Variants in XRN2 observed in about 807,000 individuals in gnomAD.
XRN2 encodes the protein DHM1-like protein.
Under a neutral mutation model 138.5 loss-of-function variants are expected in XRN2, and 44 were observed. That is an observed-to-expected ratio of 0.32 (90% confidence interval 0.25 to 0.41). The LOEUF (loss-of-function observed/expected upper bound fraction) is 0.41, where lower values mean the gene tolerates loss of function less well. Among genes scored for constraint, XRN2 ranks in the 10% least tolerant of loss-of-function variants. The pLI, the probability that XRN2 is intolerant of heterozygous loss-of-function variation, is 1.00. For synonymous variants in XRN2, 354 were observed against 369.4 expected (o/e 0.96, Z 0.48); for missense variants, 937 against 1,169.3 (o/e 0.80, Z 2.90).
intron 24 of XRN2, among the ~76,000 whole-genome samples, chr20:21,362,002 A>G (rs1473556505): frequency 1.3e-5 from 2 of 152,210 alleles, no homozygotes; most frequent in Non-Finnish European, 1.5e-5. Flanking sequence ...TGGTATCATA[A>G]ATAGTGTCCT....
At chr20:21,332,918 C>T (rs982597602) in intron 9 of XRN2, among the ~76,000 whole-genome samples, 3 of 152,060 alleles carry the variant, frequency 2.0e-5, no homozygotes, top group Non-Finnish European at 4.4e-5. Context: ...TAAGTTACTC[C>T]CACTTTTTAT....
intron 14 of XRN2, among the ~76,000 whole-genome samples, chr20:21,339,407 C>T (rs1255942422): frequency 6.6e-6 from 1 of 152,100 alleles, no homozygotes; most frequent in Non-Finnish European, 1.5e-5. Flanking sequence ...AGTTACTGTA[C>T]TCTTATTTCT....
chr20:21,328,748 A>G, intron 4 of XRN2, 78 bp downstream of exon 4: 2 of 1,259,046 alleles, frequency 1.6e-6, no homozygotes, highest in Non-Finnish European at 2.3e-6. Flanking sequence ...ACTTTTTCTT[A>G]CAAAGAGGCA....
intron 1 of XRN2, among the ~76,000 whole-genome samples, chr20:21,319,450 C>T (rs992934619): frequency 6.6e-6 from 1 of 151,880 alleles, no homozygotes; most frequent in Non-Finnish European, 1.5e-5. Context: ...TTCTCTATTT[C>T]TCCTTTGTGC....
At chr20:21,303,653 C>G in intron 1 of XRN2, 180 bp downstream of exon 1, 1 of 1,339,236 alleles carries the variant, frequency 7.5e-7, no homozygotes. Flanking sequence ...GATTCAGCAC[C>G]CCGGGGGCGA....
In XRN2 at chr20:21,346,452, A is replaced by T; in HGVS notation, c.1567A>T (p.Asn523Tyr). ...TGGCTGGAAGCAGCGGTACTACAAG[A>T]ACAAATTTGATGTGGATGCAGCTGA... is the stretch of plus-strand genomic sequence containing the variant. ...EAGWKQRYYKNKFDVDAADEK... is the reference protein window; with the variant it reads ...EAGWKQRYYKYKFDVDAADEK... The change falls in exon 17 of 30, where the codon AAC becomes TAC. Residue 523 changes from asparagine (N) to tyrosine (Y), a missense_variant. By Grantham distance (143) the Asn-to-Tyr change is moderately radical (BLOSUM62 -2). This residue lies in a region of XRN2 where 471 missense variants were observed against 581.2 expected (regional missense o/e 0.81). Transcript: ENST00000377191. The T allele has an allele frequency of 6.2e-7, 1 of 1,614,126 alleles. No individual in the cohort carries two copies. Among genetic ancestry groups the T allele is most frequent in the Non-Finnish European group, 8.5e-7 (1 of 1,180,012 alleles).
Position 21,338,388 on chromosome 20 carries a change from C to T in XRN2, c.1234-656C>T, listed in dbSNP as rs912628868. Reference sequence around the variant, plus strand: ...GAAATGAGTAGGGGGAAAGAATCAACGTGGGCTGGACCCTCTCCTGTGAAT... The same window carrying T: ...GAAATGAGTAGGGGGAAAGAATCAATGTGGGCTGGACCCTCTCCTGTGAAT... On this transcript the variant is annotated intron_variant, in intron 13 of 29. Transcript: ENST00000377191. Among the ~76,000 whole-genome samples the T allele has an allele frequency of 5.3e-5, 8 of 152,150 alleles. No homozygotes were observed. The East Asian group carries it at 5.8e-4, about 11-fold the overall frequency.
At position 21,339,060 on chromosome 20, in the gene XRN2, G is replaced by A. The variant is rs1262828363; in HGVS notation, c.1250G>A (p.Arg417Gln). The change falls in exon 14 of 30, where the codon CGA (arginine) becomes CAA (glutamine). Residue 417 changes from arginine to glutamine, a missense_variant. By Grantham distance (43) the Arg-to-Gln change is conservative. Around this residue, in one of 6 missense-constraint regions of XRN2, gnomAD observed 471 missense variants for 581.2 expected, o/e 0.81. Coordinates refer to ENST00000377191, the MANE Select transcript of XRN2 (RefSeq NM_012255.5). Reference sequence around the variant, plus strand: ...TACTTTTAGGACAGTTTTAGAAGACGACAGAAAGAAAAAAGAAAGAGAATG... The same window carrying A: ...TACTTTTAGGACAGTTTTAGAAGACAACAGAAAGAAAAAAGAAAGAGAATG... Reference protein sequence around the residue: ...RKDDEDSFRRRQKEKRKRMKR... With the variant: ...RKDDEDSFRRQQKEKRKRMKR... The A allele has an allele frequency of 6.2e-7, 1 of 1,604,624 alleles. No individual in the cohort carries two copies. Among genetic ancestry groups the A allele is most frequent in the South Asian group, 1.1e-5 (1 of 89,502 alleles).
At chr20:21,385,046 T>G (rs2038923749) in intron 28 of XRN2, among the ~76,000 whole-genome samples, 1 of 152,220 alleles carries the variant, frequency 6.6e-6, no homozygotes, top group Non-Finnish European at 1.5e-5. Context: ...AAAATTATAT[T>G]TGTCAAAAAC....
At chr20:21,358,605 T>G (rs577927546) in intron 24 of XRN2, among the ~76,000 whole-genome samples, 2 of 152,336 alleles carry the variant, frequency 1.3e-5, no homozygotes, top group African/African-American at 4.8e-5. Context: ...TAGATTTTTT[T>G]TTAGATTTCC....
rs370812146 is a variant in XRN2 at position 21,386,991 on chromosome 20, T to A, written c.2772T>A (p.Asp924Glu). ...GPGGYPPRRDDRGGRQGYPRE... is the reference protein window; with the variant it reads ...GPGGYPPRRDERGGRQGYPRE... ...GTGGGTATCCACCCAGACGAGATGA[T>A]CGTGGAGGGAGACAGGTAAATGGTT... Residue 924 changes from aspartate (D) to glutamate (E), a missense_variant, in exon 29 of 30, where the codon GAT (aspartate) becomes GAA (glutamate). Asp to Glu is a conservative substitution (Grantham distance 45). This residue lies in a region of XRN2 where 372 missense variants were observed against 414.4 expected (regional missense o/e 0.90). Transcript: ENST00000377191. The A allele has an allele frequency of 3.7e-6, 6 of 1,609,252 alleles. No homozygotes were observed. In the African/African-American group the frequency reaches 6.7e-5, roughly 18 times the overall value.
chr20:21,365,823 A>ATT (rs1290041060), intron 26 of XRN2, 119 bp downstream of exon 26: 3 of 152,298 alleles, frequency 2.0e-5, no homozygotes, highest in African/African-American at 8.6e-5. Context: ...ATGATTATAT[A>ATT]TTATATATAT....
chr20:21,331,946 C>A (rs972801732), intron 8 of XRN2, 128 bp downstream of exon 8: 3 of 996,572 alleles, frequency 3.0e-6, no homozygotes, highest in African/African-American at 3.3e-5. Flanking sequence ...TTATGTTCGA[C>A]AGGGAACTAG....
At chr20:21,323,971 G>T (rs2038083986) in intron 1 of XRN2, among the ~76,000 whole-genome samples, 1 of 152,148 alleles carries the variant, frequency 6.6e-6, no homozygotes, top group Non-Finnish European at 1.5e-5. Flanking sequence ...TTCCTGGAGG[G>T]CACAAAGAAT....
intron 22 of XRN2, 91 bp from the exon 23 acceptor site, chr20:21,356,495 A>G: frequency 8.5e-7 from 1 of 1,172,652 alleles, no homozygotes; most frequent in South Asian, 1.4e-5. Context: ...TTTGGCTCTT[A>G]TGAATGATGC....
At chr20:21,353,658 G>T (rs1370905119) in intron 20 of XRN2, among the ~76,000 whole-genome samples, 2 of 151,966 alleles carry the variant, frequency 1.3e-5, no homozygotes, top group East Asian at 3.9e-4. Flanking sequence ...TGGGTGTGGT[G>T]GTGGCATGTG....
intron 1 of XRN2, among the ~76,000 whole-genome samples, chr20:21,325,052 T>C (rs1223993098): frequency 6.6e-6 from 1 of 152,232 alleles, no homozygotes; most frequent in Admixed American, 6.5e-5. Flanking sequence ...TATTTTAGAC[T>C]TTTCATATAA....
intron 27 of XRN2, among the ~76,000 whole-genome samples, chr20:21,372,328 A>T (rs1036103301): frequency 6.6e-6 from 1 of 152,200 alleles, no homozygotes; most frequent in Non-Finnish European, 1.5e-5. Context: ...GGGCTCCTCT[A>T]GGCTGAGAGA....
chr20:21,334,293 T>C, intron 13 of XRN2, 108 bp downstream of exon 13: 3 of 870,920 alleles, frequency 3.4e-6, no homozygotes, highest in Non-Finnish European at 5.4e-6. Flanking sequence ...ATCATTATGG[T>C]GTGTCAACAC....
Sources: gnomAD v4.1 joint callset for allele counts (sites outside exome capture counted in the v4.1 genomes callset) on GRCh38, gnomAD v4.1.1 for gene constraint, gnomAD v4.1.1 regional missense constraint, MANE v1.5 for transcripts, NCBI Gene and HGNC (gene_info 2026-07-23, HGNC 2026-07-21) for gene names.